PTPRD: variants seen among roughly 807,000 people sequenced by gnomAD.
The protein encoded by PTPRD is protein tyrosine phosphatase receptor type D, also known as receptor-type tyrosine-protein phosphatase delta.
Under a neutral mutation model 214.5 loss-of-function variants are expected in PTPRD, and 34 were observed. That is an observed-to-expected ratio of 0.16 (90% CI 0.12 to 0.21). The LOEUF is 0.21. PTPRD is among the 10% of genes least tolerant of loss of function. The pLI, the probability that PTPRD is intolerant of heterozygous loss-of-function variation, is 1.00. For missense variants in PTPRD, 2,545 were observed against 2,398.7 expected (o/e 1.06, Z -1.27); for synonymous variants, 1,128 against 845.7 (o/e 1.33, Z -5.79).
At chr9:9,207,417 G>GA (rs199969614) in intron 9 of PTPRD, among the ~76,000 whole-genome samples, 3,935 of 151,086 alleles carry the variant, frequency 0.026, 65 homozygotes, top group Middle Eastern at 0.075. Flanking sequence ...TCTAAAAATA[G>GA]AAAAAAAATC....
rs140758856 is a variant in PTPRD, at chr9:9,838,592, C to G, written c.-367-71741G>C. Among the ~76,000 whole-genome samples, 566 of 152,246 alleles carry G rather than the reference C, an allele frequency of 3.7e-3. 3 individuals are homozygous for G. Among genetic ancestry groups the G allele is most frequent in the Middle Eastern group, 0.02 (6 of 294 alleles). ...CTTTTGAGAAGTGTCTGTTCATGTC[C>G]TTCACCCACTTTTTAATTGGGTTGC... is the stretch of plus-strand genomic sequence containing the variant. On this transcript the variant is annotated intron_variant, in intron 5 of 45. Coordinates refer to ENST00000381196, the MANE Select transcript of PTPRD (RefSeq NM_002839.4).
chr9:8,418,399 T>A (rs1370774672), intron 35 of PTPRD, among the ~76,000 whole-genome samples: 1 of 152,120 alleles, frequency 6.6e-6, no homozygotes, highest in Non-Finnish European at 1.5e-5. Context: ...CTTGTAGCAT[T>A]TCTTCTTGTA....
intron 8 of PTPRD, among the ~76,000 whole-genome samples, chr9:9,486,508 CT>C (rs377577876): frequency 3.3e-5 from 5 of 151,348 alleles, no homozygotes; most frequent in South Asian, 2.1e-4. Context: ...CACTCTTATG[CT>C]TTTTTTTTCC....
chr9:10,042,901 GAA>G (rs1269138208), intron 3 of PTPRD, among the ~76,000 whole-genome samples: 2 of 151,854 alleles, frequency 1.3e-5, no homozygotes, highest in African/African-American at 4.8e-5. Flanking sequence ...ATGTATTTGT[GAA>G]AAAGTCTTTG....
At chr9:10,038,903 T>G (rs2097243299) in intron 3 of PTPRD, among the ~76,000 whole-genome samples, 1 of 152,098 alleles carries the variant, frequency 6.6e-6, no homozygotes. Context: ...TAACAATTAT[T>G]GCCCTTTACA....
At chr9:9,493,806 A>AG (rs553870161) in intron 8 of PTPRD, among the ~76,000 whole-genome samples, 5,020 of 141,534 alleles carry the variant, frequency 0.035, 63 homozygotes, top group South Asian at 0.054. Flanking sequence ...AAAAAAAAAA[A>AG]AAAAGAAAAG....
intron 10 of PTPRD, among the ~76,000 whole-genome samples, chr9:9,132,984 G>A (rs986126632): frequency 6.6e-6 from 1 of 152,066 alleles, no homozygotes; most frequent in African/African-American, 2.4e-5. Flanking sequence ...AAAGACATTA[G>A]TTTTTCTTTT....
chr9:8,649,696 TG>T (rs1267303553), intron 12 of PTPRD, among the ~76,000 whole-genome samples: 2 of 152,222 alleles, frequency 1.3e-5, no homozygotes, highest in Admixed American at 6.5e-5. Context: ...CAAAATACAA[TG>T]GAAAGTGATT....
intron 9 of PTPRD, among the ~76,000 whole-genome samples, chr9:9,367,057 AAAAAT>A (rs1481201243): frequency 4.8e-5 from 5 of 103,134 alleles, no homozygotes; most frequent in African/African-American, 1.9e-4. Flanking sequence ...GAAAAGTTTA[AAAAAT>A]AAAAACCCTT....
chr9:10,155,286 T>G (rs1322470558), intron 3 of PTPRD, among the ~76,000 whole-genome samples: 2 of 152,004 alleles, frequency 1.3e-5, no homozygotes, highest in Non-Finnish European at 2.9e-5. Context: ...TGATTTTTTT[T>G]TATGTTGGTT....
intron 5 of PTPRD, among the ~76,000 whole-genome samples, chr9:9,850,719 T>C (rs1476462752): frequency 2.0e-5 from 3 of 152,142 alleles, no homozygotes; most frequent in African/African-American, 7.2e-5. Context: ...AATTTTCAAG[T>C]ATAAAACACA....
intron 4 of PTPRD, among the ~76,000 whole-genome samples, chr9:9,969,754 C>A (rs920964953): frequency 6.6e-6 from 1 of 152,192 alleles, no homozygotes; most frequent in Non-Finnish European, 1.5e-5. Flanking sequence ...CAATGCCCAT[C>A]AAATCTGTAA....
intron 5 of PTPRD, among the ~76,000 whole-genome samples, chr9:9,791,625 T>G (rs1052704167): frequency 6.6e-6 from 1 of 152,156 alleles, no homozygotes; most frequent in African/African-American, 2.4e-5. Flanking sequence ...TTCATCTTTC[T>G]TTTACATTAT....
intron 11 of PTPRD, among the ~76,000 whole-genome samples, chr9:8,930,506 T>G (rs1333655936): frequency 2.6e-5 from 4 of 152,132 alleles, no homozygotes; most frequent in Non-Finnish European, 5.9e-5. Flanking sequence ...CAAATGGTAT[T>G]TCTAGTTCTA....
At chr9:8,411,724 C>G (rs1452557578) in intron 35 of PTPRD, among the ~76,000 whole-genome samples, 2 of 152,142 alleles carry the variant, frequency 1.3e-5, no homozygotes, top group African/African-American at 4.8e-5. Context: ...ATGTGTTAAT[C>G]CTAATGTTTT....
chr9:8,592,491 T>G (rs1479239781), intron 14 of PTPRD, among the ~76,000 whole-genome samples: 1 of 152,196 alleles, frequency 6.6e-6, no homozygotes, highest in Non-Finnish European at 1.5e-5. Context: ...GCTCTTTACT[T>G]GCAGAGTAGA....
intron 33 of PTPRD, chr9:8,454,707 G>A: frequency 9.0e-7 from 1 of 1,108,984 alleles, no homozygotes; most frequent in Non-Finnish European, 1.3e-6. Flanking sequence ...CACAAGCAAG[G>A]ACACATAACT....
intron 5 of PTPRD, among the ~76,000 whole-genome samples, chr9:9,914,261 A>G (rs547899522): frequency 6.6e-6 from 1 of 152,318 alleles, no homozygotes; most frequent in Non-Finnish European, 1.5e-5. Flanking sequence ...GCTACTCCAG[A>G]CATGTCTCTG....
chr9:10,200,176 C>T (rs1200954685), intron 3 of PTPRD, among the ~76,000 whole-genome samples: 1 of 152,056 alleles, frequency 6.6e-6, no homozygotes. Context: ...TAATTCACCT[C>T]TTTGACATAA....
Sources: allele counts gnomAD v4.1 joint callset (sites outside exome capture counted in the v4.1 genomes callset), GRCh38; gene constraint gnomAD v4.1.1; transcripts MANE v1.5; gene names NCBI Gene and HGNC (gene_info 2026-07-23, HGNC 2026-07-21).